SWAP70: variants seen among roughly 807,000 people sequenced by gnomAD.
SWAP70 encodes switch-associated protein 70.
SWAP70 carries 34 observed loss-of-function variants against 80.2 expected under a neutral mutation model. The ratio of observed to expected loss-of-function variants is 0.42; its 90% CI spans 0.32 to 0.56. SWAP70 has a LOEUF of 0.56. Among genes scored for constraint, SWAP70 ranks in the 20% least tolerant of loss-of-function variants. The pLI is 0.09. For synonymous variants in SWAP70, 239 were observed against 238.5 expected (o/e 1.00, Z -0.02); for missense variants, 578 against 690.7 (o/e 0.84, Z 1.83).
At chr11:9,700,804 A>T in intron 2 of SWAP70, among the ~76,000 whole-genome samples, 1 of 152,130 alleles carries the variant, frequency 6.6e-6, no homozygotes. Context: ...TTTAAAAGCC[A>T]TTTTGATTAC....
chr11:9,699,862 G>C (rs1324602883), intron 2 of SWAP70, among the ~76,000 whole-genome samples: 1 of 76,362 alleles, frequency 1.3e-5, no homozygotes, highest in Non-Finnish European at 3.1e-5. Context: ...AGGCTGTATA[G>C]TGTGTATATA....
intron 7 of SWAP70, among the ~76,000 whole-genome samples, chr11:9,735,263 G>A (rs1397463177): frequency 1.3e-5 from 2 of 152,048 alleles, no homozygotes; most frequent in Non-Finnish European, 2.9e-5. Flanking sequence ...GTATATACTA[G>A]TGTCACTGTT....
chr11:9,714,512 T>G lies in SWAP70; in HGVS notation c.414+873T>G, dbSNP rs919413486. Among the ~76,000 whole-genome samples, 12 of 152,236 alleles carry G rather than the reference T, an allele frequency of 7.9e-5. 1 individual carries two copies. The highest frequency in any genetic ancestry group is 2.0e-4 in the Admixed American group (3 of 15,274). On this transcript the variant is annotated intron_variant, in intron 3 of 11. Coordinates refer to ENST00000318950, the MANE Select transcript of SWAP70 (RefSeq NM_015055.4). The stretch of plus-strand genomic sequence containing the variant: ...TCTGATTATTTTCTTTGAATAAACT[T>G]CCAGCAGTGGAATTCTGAGTCTTAA...
Position 9,738,321 on chromosome 11 carries a change from G to C in SWAP70, c.1188+1G>C. 6.3e-7 allele frequency: 1 copy of C among 1,588,470 alleles called. No individual in the cohort carries two copies. Among genetic ancestry groups the C allele is most frequent in the Non-Finnish European group, 8.6e-7 (1 of 1,167,732 alleles). On this transcript the variant is annotated splice_donor_variant, in intron 8 of 11. Transcript: ENST00000318950. LOFTEE classifies it high-confidence loss of function. ...CACAGAGCTGGAAAGAGAGAAGCTT[G>C]TGAGTATCACATGGCTGGAGAAAGC...
At chr11:9,742,927 T>G (rs1273698923) in intron 9 of SWAP70, among the ~76,000 whole-genome samples, 2 of 151,368 alleles carry the variant, frequency 1.3e-5, no homozygotes, top group Admixed American at 1.3e-4. Flanking sequence ...ACTTTAAGTT[T>G]TAGGGTACAT....
chr11:9,701,691 CTT>C (rs1163108695), intron 2 of SWAP70, among the ~76,000 whole-genome samples: 80 of 68,528 alleles, frequency 1.2e-3, no homozygotes, highest in African/African-American at 3.2e-3. Context: ...TTTGTGGGCT[CTT>C]TTTTTTTTTT....
At chr11:9,672,530 ATTTTTTT>A (rs58704706) in intron 1 of SWAP70, among the ~76,000 whole-genome samples, 11 of 88,398 alleles carry the variant, frequency 1.2e-4, no homozygotes, top group Non-Finnish European at 2.1e-4. Flanking sequence ...CACCTGGCTA[ATTTTTTT>A]TTTTTTTTTT....
intron 4 of SWAP70, among the ~76,000 whole-genome samples, chr11:9,726,069 G>T (rs1851221827): frequency 6.6e-6 from 1 of 152,026 alleles, no homozygotes; most frequent in Admixed American, 6.6e-5. Context: ...TAGATTGTGG[G>T]ATTTTGGTGA....
At position 9,673,088 on chromosome 11, in the gene SWAP70, A is replaced by G. The variant is rs771697907; in HGVS notation, c.99+8810A>G. On this transcript the variant is annotated intron_variant, in intron 1 of 11. Transcript: ENST00000318950. ...TATCCTCCAGTTCAATTCCAACACTATCTACCTGGAGACAGTGTCAGATCC... is the reference window on the plus strand; with the variant it reads ...TATCCTCCAGTTCAATTCCAACACTGTCTACCTGGAGACAGTGTCAGATCC... 2.6e-5 allele frequency among the ~76,000 whole-genome samples: 4 copies of G among 152,110 alleles called. No individual in the cohort carries two copies. In the East Asian group the frequency reaches 5.8e-4, roughly 22 times the overall value.
rs372805459 is a variant in SWAP70, at chr11:9,728,522, T to A, written c.789+323T>A. ...AAGAGATAATAAAGTAAAAAAAAGT[T>A]CAGTAAGACAATATTTGGAATAAAG... On this transcript the variant is annotated intron_variant, in intron 5 of 11. Transcript: ENST00000318950. Among the ~76,000 whole-genome samples the A allele has an allele frequency of 1.8e-4, 27 of 152,264 alleles. 1 individual carries two copies. The South Asian group carries it at 4.4e-3, about 25-fold the overall frequency.
chr11:9,677,623 A>C (rs1390437796), intron 1 of SWAP70, among the ~76,000 whole-genome samples: 1 of 152,170 alleles, frequency 6.6e-6, no homozygotes, highest in East Asian at 1.9e-4. Flanking sequence ...TATTTTTTGC[A>C]ACCTCTGTTA....
At chr11:9,692,217 A>AAT (rs5789612) in intron 1 of SWAP70, among the ~76,000 whole-genome samples, 106 of 145,336 alleles carry the variant, frequency 7.3e-4, no homozygotes, top group African/African-American at 2.1e-3. Flanking sequence ...GGCCACTTAA[A>AAT]ATATATATAT....
rs1850892652 is a variant in SWAP70, at chr11:9,705,400, CTGGTGATCTGTGTACACT to C, written c.241-8054_241-8037del. 1.5e-5 allele frequency among the ~76,000 whole-genome samples: 2 copies of C among 132,790 alleles called. 1 individual carries two copies. The highest frequency in any genetic ancestry group is 6.5e-5 in the African/African-American group (2 of 30,878). The allele number at this position is 132,790 out of a possible 152,430, so 87.1% of individuals were successfully genotyped here. ...TGTATACACTGGTGATCTGTATACA[CTGGTGATCTGTGTACACT>C]TGGTGATCTGTATACACTGGTGATC... On this transcript the variant is annotated intron_variant, in intron 2 of 11. Coordinates refer to ENST00000318950, the MANE Select transcript of SWAP70 (RefSeq NM_015055.4).
chr11:9,671,158 A>C (rs1322632386), intron 1 of SWAP70, among the ~76,000 whole-genome samples: 1 of 127,582 alleles, frequency 7.8e-6, no homozygotes, highest in East Asian at 2.1e-4. Context: ...AAAATATATA[A>C]AATATATTTA....
intron 1 of SWAP70, among the ~76,000 whole-genome samples, chr11:9,691,209 T>C (rs1850693952): frequency 6.6e-6 from 1 of 152,242 alleles, no homozygotes; most frequent in Non-Finnish European, 1.5e-5. Context: ...TAAGCCACCA[T>C]GCCCAGCCTG....
At chr11:9,679,776 C>G (rs1157918080) in intron 1 of SWAP70, among the ~76,000 whole-genome samples, 2 of 152,146 alleles carry the variant, frequency 1.3e-5, no homozygotes, top group Non-Finnish European at 2.9e-5. Flanking sequence ...TCACACCATT[C>G]TCCTGCCTTA....
intron 2 of SWAP70, among the ~76,000 whole-genome samples, chr11:9,712,314 T>G (rs1348981051): frequency 6.6e-6 from 1 of 152,256 alleles, no homozygotes; most frequent in Non-Finnish European, 1.5e-5. Context: ...TTATACACTG[T>G]TAAATTATAC....
chr11:9,697,829 G>A (rs1188666531), intron 2 of SWAP70, among the ~76,000 whole-genome samples: 1 of 152,156 alleles, frequency 6.6e-6, no homozygotes, highest in Non-Finnish European at 1.5e-5. Flanking sequence ...CGCATAGGCT[G>A]AAGTGCAGTA....
rs373665874 is a variant in SWAP70, at chr11:9,748,072, C to T, written c.1554+16C>T. On this transcript the variant is annotated intron_variant, in intron 10 of 11. Transcript: ENST00000318950. ...GCAGTACGAGGTAATGAGACTTGGCCCTGCAAACTTGTATATTTAAATTTT... is the reference window on the plus strand; with the variant it reads ...GCAGTACGAGGTAATGAGACTTGGCTCTGCAAACTTGTATATTTAAATTTT... 1.2e-6 allele frequency: 2 copies of T among 1,606,608 alleles called. No individual in the cohort carries two copies. The highest frequency in any genetic ancestry group is 3.4e-5 in the Admixed American group (2 of 59,222).
Sources: gnomAD v4.1 joint callset for allele counts (sites outside exome capture counted in the v4.1 genomes callset) on GRCh38, gnomAD v4.1.1 for gene constraint, MANE v1.5 for transcripts, NCBI Gene and HGNC (gene_info 2026-07-23, HGNC 2026-07-21) for gene names.